Variants in CERS6 observed in about 807,000 individuals in gnomAD.
CERS6 encodes LAG1 homolog, ceramide synthase 6.
Under a neutral mutation model 56.8 loss-of-function variants are expected in CERS6, and 26 were observed. That is an observed-to-expected ratio of 0.46 (90% CI 0.34 to 0.63). The LOEUF is 0.63. Among genes scored for constraint, CERS6 ranks in the 30% least tolerant of loss-of-function variants. The pLI is 0.01. For missense variants in CERS6, 415 were observed against 467.5 expected (o/e 0.89, Z 1.04); for synonymous variants, 164 against 173.3 (o/e 0.95, Z 0.42).
intron 4 of CERS6, among the ~76,000 whole-genome samples, chr2:168,671,968 T>G (rs1010098145): frequency 5.9e-5 from 9 of 152,204 alleles, no homozygotes; most frequent in Non-Finnish European, 1.3e-4. Context: ...CAATGATGCA[T>G]CTATTAAGTG....
intron 1 of CERS6, among the ~76,000 whole-genome samples, chr2:168,539,428 G>T (rs1381311491): frequency 2.6e-5 from 4 of 152,116 alleles, no homozygotes; most frequent in African/African-American, 4.8e-5. Flanking sequence ...AAGGGTTATT[G>T]TTGATCTAAA....
intron 1 of CERS6, among the ~76,000 whole-genome samples, chr2:168,511,216 A>G (rs1206734943): frequency 6.6e-6 from 1 of 152,108 alleles, no homozygotes; most frequent in Admixed American, 6.5e-5. Context: ...TTCTCCTTTC[A>G]TGATTTAATT....
intron 3 of CERS6, among the ~76,000 whole-genome samples, chr2:168,629,165 G>A (rs556335925): frequency 6.6e-6 from 1 of 152,116 alleles, no homozygotes; most frequent in Non-Finnish European, 1.5e-5. Flanking sequence ...TGAAAACTGG[G>A]TCATTTTAGT....
chr2:168,503,127 T>C (rs1047594347), intron 1 of CERS6, among the ~76,000 whole-genome samples: 3 of 152,124 alleles, frequency 2.0e-5, no homozygotes, highest in Non-Finnish European at 4.4e-5. Context: ...TATAAGAGGC[T>C]CTTTCTCCTT....
chr2:168,572,935 A>G (rs1263770558), intron 3 of CERS6, among the ~76,000 whole-genome samples: 1 of 152,162 alleles, frequency 6.6e-6, no homozygotes, highest in Non-Finnish European at 1.5e-5. Flanking sequence ...ATTGAAGTGA[A>G]TCTCTAGGGA....
intron 6 of CERS6, among the ~76,000 whole-genome samples, chr2:168,695,981 T>A (rs1240871260): frequency 1.3e-5 from 2 of 152,198 alleles, no homozygotes; most frequent in Non-Finnish European, 2.9e-5. Context: ...TAAATGCTCA[T>A]TGGAGCATTT....
intron 2 of CERS6, among the ~76,000 whole-genome samples, chr2:168,556,928 G>A (rs1316047937): frequency 2.7e-5 from 4 of 146,510 alleles, no homozygotes; most frequent in African/African-American, 9.9e-5. Flanking sequence ...GCTGAGGTGG[G>A]AAGACCGCTT....
chr2:168,657,382 G>C (rs1379152138), intron 4 of CERS6, among the ~76,000 whole-genome samples: 1 of 152,266 alleles, frequency 6.6e-6, no homozygotes, highest in Non-Finnish European at 1.5e-5. Context: ...TTCACCTAGT[G>C]GATCCCGCAC....
At chr2:168,560,319 C>T (rs1325777295) in intron 2 of CERS6, among the ~76,000 whole-genome samples, 3 of 152,148 alleles carry the variant, frequency 2.0e-5, no homozygotes, top group African/African-American at 7.2e-5. Flanking sequence ...CATAGCCAAA[C>T]CGTATCAGAT....
intron 2 of CERS6, among the ~76,000 whole-genome samples, chr2:168,560,321 G>A (rs4667581): frequency 0.94 from 142,874 of 152,286 alleles, 67,087 homozygotes; most frequent in East Asian, 1. Context: ...TAGCCAAACC[G>A]TATCAGATGG....
intron 3 of CERS6, among the ~76,000 whole-genome samples, chr2:168,580,413 C>T (rs1683382272): frequency 6.6e-6 from 1 of 152,154 alleles, no homozygotes; most frequent in Admixed American, 6.5e-5. Flanking sequence ...CCTAAGTTAT[C>T]AAAATCCAAT....
At chr2:168,694,010 A>G (rs1377734018) in intron 5 of CERS6, among the ~76,000 whole-genome samples, 2 of 152,166 alleles carry the variant, frequency 1.3e-5, no homozygotes, top group African/African-American at 2.4e-5. Flanking sequence ...TTGGTGTACA[A>G]AACACTTACA....
chr2:168,653,022 G>A (rs372052555), intron 4 of CERS6, among the ~76,000 whole-genome samples: 24 of 152,226 alleles, frequency 1.6e-4, no homozygotes, highest in African/African-American at 5.3e-4. Context: ...GGTACATGAA[G>A]TGAATAAAAT....
chr2:168,474,979 A>G (rs1694043348), intron 1 of CERS6, among the ~76,000 whole-genome samples: 1 of 152,202 alleles, frequency 6.6e-6, no homozygotes, highest in South Asian at 2.1e-4. Flanking sequence ...TTCATTCAGC[A>G]TGTAAACAAG....
At chr2:168,546,408 G>C (rs868351630) in intron 1 of CERS6, among the ~76,000 whole-genome samples, 1 of 152,176 alleles carries the variant, frequency 6.6e-6, no homozygotes. Context: ...CATTTTCTCT[G>C]TCTTATCTTT....
chr2:168,643,423 A>G (rs1685093205), intron 4 of CERS6, among the ~76,000 whole-genome samples: 1 of 152,070 alleles, frequency 6.6e-6, no homozygotes, highest in Admixed American at 6.5e-5. Flanking sequence ...CAGTTGTTTG[A>G]CTTTAGAGAA....
intron 1 of CERS6, among the ~76,000 whole-genome samples, chr2:168,465,881 TA>T (rs369797329): frequency 1.3e-5 from 2 of 152,048 alleles, no homozygotes; most frequent in Non-Finnish European, 2.9e-5. Context: ...TTACCACAAT[TA>T]AAAAAAATAG....
intron 3 of CERS6, among the ~76,000 whole-genome samples, chr2:168,576,970 G>A (rs1232807649): frequency 6.6e-6 from 1 of 152,152 alleles, no homozygotes; most frequent in Non-Finnish European, 1.5e-5. Flanking sequence ...CTGGGGAGAA[G>A]TCCAGGATTT....
intron 4 of CERS6, among the ~76,000 whole-genome samples, chr2:168,678,676 C>T (rs769920227): frequency 3.9e-5 from 6 of 151,972 alleles, no homozygotes; most frequent in Admixed American, 6.6e-5. Flanking sequence ...CAGAAGCCCT[C>T]GTAAAAATCC....
Sources: gnomAD v4.1 joint callset for allele counts (sites outside exome capture counted in the v4.1 genomes callset) on GRCh38, gnomAD v4.1.1 for gene constraint, MANE v1.5 for transcripts, NCBI Gene and HGNC (gene_info 2026-07-23, HGNC 2026-07-21) for gene names.